SLC44A3: variants seen among roughly 807,000 people sequenced by gnomAD.
SLC44A3 encodes the protein solute carrier family 44 member 3, also known as choline transporter-like protein 3.
In SLC44A3, 74 loss-of-function variants were observed where a neutral mutation model predicts 75.4. The observed-to-expected ratio is 0.98, with a 90% CI of 0.81 to 1.19. The LOEUF is 1.19. Among genes scored for constraint, SLC44A3 ranks in the 50% most tolerant of loss-of-function variants. SLC44A3 has a pLI of 0.00. For missense variants in SLC44A3, 700 were observed against 778.6 expected (o/e 0.90, Z 1.20); for synonymous variants, 310 against 296.9 (o/e 1.04, Z -0.45).
At chr1:94,831,666 C>T (rs555551496) in intron 5 of SLC44A3, among the ~76,000 whole-genome samples, 6 of 152,256 alleles carry the variant, frequency 3.9e-5, no homozygotes, top group African/African-American at 7.2e-5. Flanking sequence ...ATCTAAAAGG[C>T]GTGGATATTT....
At position 94,895,244 on chromosome 1, in the gene SLC44A3, G is replaced by T; in HGVS notation, c.*322G>T. Reference sequence around the variant, plus strand: ...TAATAAATAAACCTTTTTAAGATAAGGATTTTGTTAGCAGAAATCTCTGGA... The same window carrying T: ...TAATAAATAAACCTTTTTAAGATAATGATTTTGTTAGCAGAAATCTCTGGA... On this transcript the variant is annotated 3_prime_UTR_variant, in exon 15 of 15. Transcript: ENST00000271227. The T allele has an allele frequency of 5.5e-6, 1 of 181,910 alleles. No homozygotes were observed. Among genetic ancestry groups the T allele is most frequent in the Non-Finnish European group, 1.1e-5 (1 of 90,564 alleles). 11.3% of individuals were successfully genotyped at this position (181,910 alleles called of 1,614,324 possible). A position where few individuals can be genotyped will look rare whatever the true frequency, so the allele number is the denominator to read the frequency against.
chr1:94,828,225 G>A (rs1461155154), intron 4 of SLC44A3, among the ~76,000 whole-genome samples: 2 of 152,186 alleles, frequency 1.3e-5, no homozygotes, highest in African/African-American at 2.4e-5. Context: ...AAACTATCAA[G>A]CTTCTACAAG....
chr1:94,886,205 G>GGCATTGGGGAGGT (rs1371023018), intron 12 of SLC44A3, among the ~76,000 whole-genome samples: 16 of 152,150 alleles, frequency 1.1e-4, no homozygotes, highest in Admixed American at 2.0e-4. Context: ...GAGTCTCCTA[G>GGCATTGGGGAGGT]GCTTGAATAG....
chr1:94,863,253 G>A (rs1363543846), intron 10 of SLC44A3, among the ~76,000 whole-genome samples: 1 of 152,106 alleles, frequency 6.6e-6, no homozygotes, highest in East Asian at 1.9e-4. Context: ...GCCATAACCA[G>A]GATGTGTTAC....
chr1:94,829,281 C>CAA (rs545818379), intron 5 of SLC44A3, among the ~76,000 whole-genome samples: 7 of 97,424 alleles, frequency 7.2e-5, no homozygotes, highest in African/African-American at 2.3e-4. Context: ...GAATCTGTCT[C>CAA]AAAAAAAAAA....
At chr1:94,825,224 G>T (rs1427997467) in intron 3 of SLC44A3, among the ~76,000 whole-genome samples, 1 of 152,222 alleles carries the variant, frequency 6.6e-6, no homozygotes, top group East Asian at 1.9e-4. Context: ...CCCTAGAGGG[G>T]AGAGAAATCC....
rs367997467 is a variant in SLC44A3 at position 94,857,433 on chromosome 1, A to G, written c.1171A>G (p.Ser391Gly). The G allele has an allele frequency of 7.4e-6, 12 of 1,614,092 alleles. No homozygotes were observed. Among genetic ancestry groups the G allele is most frequent in the Admixed American group, 1.7e-5 (1 of 59,996 alleles). ...CCATTTAATTGGCCTCATCTGGACT[A>G]GTGAATTCATCCTTGCGTGCCAGCA... ...SYHLIGLIWT[S>G]EFILACQQMT... Residue 391 changes from serine to glycine, a missense_variant, in exon 10 of 15, where the codon AGT (serine) becomes GGT (glycine). Transcript: ENST00000271227.
In SLC44A3 at chr1:94,856,206, C is replaced by T. The variant is rs991896779; in HGVS notation, c.1073-1129C>T. Among the ~76,000 whole-genome samples, 16 of 152,224 alleles carry T rather than the reference C, an allele frequency of 1.1e-4. 1 individual carries two copies. The highest frequency in any genetic ancestry group is 8.5e-4 in the Admixed American group (13 of 15,292). ...AGTAATAAACCATTATCACTTATGGCGCGATATGTCTATGGGTTGGGCACT... is the reference window on the plus strand; with the variant it reads ...AGTAATAAACCATTATCACTTATGGTGCGATATGTCTATGGGTTGGGCACT... On this transcript the variant is annotated intron_variant, in intron 9 of 14. Transcript: ENST00000271227.
At chr1:94,823,002 A>T (rs1409275264) in intron 2 of SLC44A3, among the ~76,000 whole-genome samples, 2 of 152,340 alleles carry the variant, frequency 1.3e-5, no homozygotes, top group South Asian at 2.1e-4. Context: ...TCTACAAAAC[A>T]TAAAAAATAA....
chr1:94,822,758 C>T (rs186152456), intron 2 of SLC44A3, among the ~76,000 whole-genome samples: 18 of 152,324 alleles, frequency 1.2e-4, no homozygotes, highest in African/African-American at 3.8e-4. Flanking sequence ...TATCATCCCT[C>T]AAGATTCCAT....
chr1:94,820,636 C>A lies in SLC44A3; in HGVS notation c.27+158C>A, dbSNP rs1169891057. The A allele has an allele frequency of 2.9e-6, 4 of 1,384,066 alleles. No homozygotes were observed. The African/African-American group carries it at 4.5e-5, about 15-fold the overall frequency. The allele number at this position is 1,384,066 out of a possible 1,614,324, so 85.7% of individuals were successfully genotyped here. On this transcript the variant is annotated intron_variant, in intron 1 of 14. Coordinates refer to ENST00000271227, the MANE Select transcript of SLC44A3 (RefSeq NM_001114106.3). ...TTGGGGCCACCTGGCGGGGAGGAACCTGGACCCTGCTCCAGTGCTGGGGCG... is the reference window on the plus strand; with the variant it reads ...TTGGGGCCACCTGGCGGGGAGGAACATGGACCCTGCTCCAGTGCTGGGGCG...
At chr1:94,871,657 C>T (rs1363839976) in intron 12 of SLC44A3, among the ~76,000 whole-genome samples, 1 of 152,222 alleles carries the variant, frequency 6.6e-6, no homozygotes, top group Admixed American at 6.5e-5. Flanking sequence ...GTATGAAACC[C>T]ACTGGTGAGC....
chr1:94,847,948 G>T (rs1664632924), intron 9 of SLC44A3, among the ~76,000 whole-genome samples: 2 of 152,152 alleles, frequency 1.3e-5, no homozygotes, highest in African/African-American at 4.8e-5. Context: ...GCCTCTTTAG[G>T]CCGGGTGCAG....
intron 10 of SLC44A3, among the ~76,000 whole-genome samples, chr1:94,861,317 GA>G (rs1187263006): frequency 3.5e-4 from 53 of 152,254 alleles, no homozygotes; most frequent in African/African-American, 1.2e-3. Flanking sequence ...AAAGTCAGTA[GA>G]CAATATCTGA....
In SLC44A3 at chr1:94,857,251, A is replaced by G. The variant is rs1053498838; in HGVS notation, c.1073-84A>G. The G allele has an allele frequency of 2.4e-5, 33 of 1,381,048 alleles. No individual in the cohort carries two copies. In the Admixed American group the frequency reaches 7.5e-4, roughly 31 times the overall value. The allele number at this position is 1,381,048 out of a possible 1,614,324, so 85.5% of individuals were successfully genotyped here. A position where few individuals can be genotyped will look rare whatever the true frequency, so the allele number is the denominator to read the frequency against. ...TTGTTTTATGTAATGCCAAAGGCCA[A>G]GCATAAAGAAACATGGCTTGTTGAA... On this transcript the variant is annotated intron_variant, in intron 9 of 14. Coordinates refer to ENST00000271227, the MANE Select transcript of SLC44A3 (RefSeq NM_001114106.3).
chr1:94,889,279 G>A (rs141371650), intron 12 of SLC44A3: 1 of 152,158 alleles, frequency 6.6e-6, no homozygotes, highest in African/African-American at 2.4e-5. Context: ...GTGTACAAAA[G>A]GGTTAATTTG....
At chr1:94,879,252 G>A (rs1323954665) in intron 12 of SLC44A3, among the ~76,000 whole-genome samples, 5 of 151,574 alleles carry the variant, frequency 3.3e-5, no homozygotes, top group African/African-American at 4.8e-5. Flanking sequence ...GGCAAAGGAC[G>A]GCCGGGCGCA....
At chr1:94,869,997 G>C (rs1204824671) in intron 12 of SLC44A3, among the ~76,000 whole-genome samples, 1 of 152,224 alleles carries the variant, frequency 6.6e-6, no homozygotes, top group African/African-American at 2.4e-5. Flanking sequence ...TTTTCCCACT[G>C]CTTCTTAAAA....
chr1:94,866,347 C>T (rs1243537216), intron 11 of SLC44A3, among the ~76,000 whole-genome samples: 1 of 152,184 alleles, frequency 6.6e-6, no homozygotes, highest in Non-Finnish European at 1.5e-5. Context: ...CCCAAGGTCT[C>T]TCTGACTGAG....
Sources: gnomAD v4.1 joint callset for allele counts (sites outside exome capture counted in the v4.1 genomes callset) on GRCh38, gnomAD v4.1.1 for gene constraint, MANE v1.5 for transcripts, NCBI Gene and HGNC (gene_info 2026-07-23, HGNC 2026-07-21) for gene names.